TAF5: variants seen among roughly 807,000 people sequenced by gnomAD.
The protein encoded by TAF5 is transcription initiation factor TFIID subunit 5.
TAF5 carries 20 observed loss-of-function variants against 80.9 expected under a neutral mutation model. That is an observed-to-expected ratio of 0.25 (90% CI 0.17 to 0.36). The LOEUF (loss-of-function observed/expected upper bound fraction) is 0.36. TAF5 is among the 10% of genes least tolerant of loss of function. TAF5 has a pLI of 1.00. For synonymous variants in TAF5, 388 were observed against 406.4 expected (o/e 0.95, Z 0.55); for missense variants, 863 against 1,029.4 (o/e 0.84, Z 2.21).
rs1329048511 is a variant in TAF5, at chr10:103,374,929, C to A, written c.797+1334C>A. Among the ~76,000 whole-genome samples the A allele has an allele frequency of 6.6e-6, 1 of 151,822 alleles. No homozygotes were observed. Among genetic ancestry groups the A allele is most frequent in the Admixed American group, 6.6e-5 (1 of 15,220 alleles). On this transcript the variant is annotated intron_variant, in intron 2 of 10. Transcript: ENST00000369839. The surrounding 1 kb of genome is among the most constrained non-coding windows in gnomAD (Gnocchi z 4.3). Reference sequence around the variant, plus strand: ...TCACTTTGACCTCAGGAGTTTGAGACCAGCCTGGTGAGACCTAGTCTCTTC... The same window carrying A: ...TCACTTTGACCTCAGGAGTTTGAGAACAGCCTGGTGAGACCTAGTCTCTTC...
At chr10:103,381,373 T>C (rs2093382540) in intron 5 of TAF5, among the ~76,000 whole-genome samples, 1 of 152,162 alleles carries the variant, frequency 6.6e-6, no homozygotes. Context: ...TTCAAGTGAT[T>C]CTCTTGCGTC....
Position 103,383,197 on chromosome 10 carries a change from G to T in TAF5, c.1535-41G>T, listed in dbSNP as rs551026020. 1.1e-5 allele frequency: 16 copies of T among 1,503,366 alleles called. No homozygotes were observed. In the South Asian group the frequency reaches 1.6e-4, roughly 15 times the overall value. 93.1% of individuals were successfully genotyped at this position (1,503,366 alleles called of 1,614,324 possible). ...ATATGATTACTTTAAAAGTTTTGAT[G>T]AATGTACTTATAAAATATCAATATT... On this transcript the variant is annotated intron_variant, in intron 6 of 10. Transcript: ENST00000369839.
chr10:103,369,483 C>T (rs1159801858), intron 1 of TAF5, among the ~76,000 whole-genome samples: 1 of 151,924 alleles, frequency 6.6e-6, no homozygotes, highest in Non-Finnish European at 1.5e-5. Flanking sequence ...CTCAGCCTCC[C>T]GAATAGGTGG....
intron 10 of TAF5, 93 bp from the exon 11 acceptor site, chr10:103,387,913 C>T (rs2093401266): frequency 5.4e-6 from 7 of 1,299,388 alleles, no homozygotes; most frequent in Non-Finnish European, 7.6e-6. Context: ...ATTTTTCACC[C>T]AAAATGTACA....
intron 8 of TAF5, 89 bp from the exon 9 acceptor site, chr10:103,387,086 G>T (rs2093398420): frequency 2.3e-6 from 3 of 1,324,434 alleles, no homozygotes; most frequent in Non-Finnish European, 3.1e-6. Flanking sequence ...TTTTTATGTG[G>T]ATGTTTCTGT....
Position 103,387,704 on chromosome 10 carries a change from T to G in TAF5, c.2185+6T>G. ...TGGTGAAATTTTGGCATCAGGTAAA[T>G]GACTATTAATGGCTTTACGATAAAT... On this transcript the variant is annotated splice_donor_region_variant and intron_variant, in intron 10 of 10. Transcript: ENST00000369839. 6.2e-7 allele frequency: 1 copy of G among 1,609,056 alleles called. No individual in the cohort carries two copies. The highest frequency in any genetic ancestry group is 8.5e-7 in the Non-Finnish European group (1 of 1,178,122).
intron 3 of TAF5, among the ~76,000 whole-genome samples, chr10:103,379,167 C>T (rs2093376430): frequency 6.6e-6 from 1 of 152,198 alleles, no homozygotes; most frequent in Non-Finnish European, 1.5e-5. Context: ...CTGGCTCCTT[C>T]TGGTTTCTGA....
chr10:103,387,338 T>C lies in TAF5; in HGVS notation c.1993T>C (p.Phe665Leu). ...CCTGAATGGTAACTGTGTAAGGATCTTCACTGGACACAAGGTATTTTACAC... is the reference window on the plus strand; with the variant it reads ...CCTGAATGGTAACTGTGTAAGGATCCTCACTGGACACAAGGTATTTTACAC... ...DVLNGNCVRI[F>L]TGHKGPIHSL... The change falls in exon 9 of 11, where the codon TTC becomes CTC. Residue 665 changes from phenylalanine to leucine, a missense_variant. Physicochemically the swap from Phe to Leu is conservative, Grantham distance 22. Transcript: ENST00000369839. The C allele has an allele frequency of 6.2e-7, 1 of 1,612,094 alleles. No individual in the cohort carries two copies. The highest frequency in any genetic ancestry group is 1.1e-5 in the South Asian group (1 of 90,836).
At chr10:103,379,145 C>A (rs140641722) in intron 3 of TAF5, among the ~76,000 whole-genome samples, 26 of 152,258 alleles carry the variant, frequency 1.7e-4, no homozygotes, top group South Asian at 1.5e-3. Flanking sequence ...CTCCACAGTG[C>A]CATCAAGGTC....
intron 6 of TAF5, among the ~76,000 whole-genome samples, chr10:103,382,371 C>T (rs1057108607): frequency 3.3e-5 from 5 of 152,004 alleles, no homozygotes; most frequent in Non-Finnish European, 7.4e-5. Flanking sequence ...ATTACAGGTG[C>T]CCACCACCAT....
rs34851825 is a variant in TAF5, at chr10:103,386,664, A to ATT, written c.1830-495_1830-494dup. ...TTGGGCAACAGAGCAAGACCTCAGC[A>ATT]TTTTTTTTTTTTTTTTTGAGACAGA... On this transcript the variant is annotated intron_variant, in intron 8 of 10. Coordinates refer to ENST00000369839, the MANE Select transcript of TAF5 (RefSeq NM_006951.5). Among the ~76,000 whole-genome samples the ATT allele has an allele frequency of 2.5e-3, 334 of 133,896 alleles. 3 individuals are homozygous for ATT. Among genetic ancestry groups the ATT allele is most frequent in the East Asian group, 8.2e-3 (37 of 4,500 alleles). 87.8% of individuals were successfully genotyped at this position (133,896 alleles called of 152,430 possible).
chr10:103,385,457 A>G lies in TAF5; in HGVS notation c.1796A>G (p.Tyr599Cys). 1 of 1,614,070 alleles carries G rather than the reference A, an allele frequency of 6.2e-7. No individual in the cohort carries two copies. Among genetic ancestry groups the G allele is most frequent in the Non-Finnish European group, 8.5e-7 (1 of 1,180,016 alleles). The change falls in exon 8 of 11, where the codon TAT becomes TGT. Residue 599 changes from tyrosine (Y) to cysteine (C), a missense_variant. Around this residue, in one of 3 missense-constraint regions of TAF5, gnomAD observed 368 missense variants for 461.7 expected, o/e 0.80. Coordinates refer to ENST00000369839, the MANE Select transcript of TAF5 (RefSeq NM_006951.5). ...ACACAATTTTCTCCATATGGATATTATTTTGTGTCAGGGGGCCATGACCGA... is the reference window on the plus strand; with the variant it reads ...ACACAATTTTCTCCATATGGATATTGTTTTGTGTCAGGGGGCCATGACCGA... Reference protein sequence around the residue: ...WDTQFSPYGYYFVSGGHDRVA... With the variant: ...WDTQFSPYGYCFVSGGHDRVA...
At position 103,388,277 on chromosome 10, in the gene TAF5, A is replaced by C; in HGVS notation, c.*54A>C. On this transcript the variant is annotated 3_prime_UTR_variant, in exon 11 of 11. Coordinates refer to ENST00000369839, the MANE Select transcript of TAF5 (RefSeq NM_006951.5). ...CTACTGTTTTTAAAAAGGGAGACTAAAAGCAAATACCTCAGTGATTAATAT... is the reference window on the plus strand; with the variant it reads ...CTACTGTTTTTAAAAAGGGAGACTACAAGCAAATACCTCAGTGATTAATAT... The C allele has an allele frequency of 1.4e-6, 2 of 1,400,734 alleles. No homozygotes were observed. Among genetic ancestry groups the C allele is most frequent in the Non-Finnish European group, 2.0e-6 (2 of 1,009,230 alleles). The allele number at this position is 1,400,734 out of a possible 1,614,324, so 86.8% of individuals were successfully genotyped here.
chr10:103,373,351 T>A lies in TAF5; in HGVS notation c.560-7T>A, dbSNP rs766119925. 2 of 1,610,574 alleles carry A rather than the reference T, an allele frequency of 1.2e-6. No individual in the cohort carries two copies. Among genetic ancestry groups the A allele is most frequent in the Admixed American group, 3.4e-5 (2 of 58,978 alleles). On this transcript the variant is annotated splice_region_variant and splice_polypyrimidine_tract_variant and intron_variant, in intron 1 of 10. Coordinates refer to ENST00000369839, the MANE Select transcript of TAF5 (RefSeq NM_006951.5). ...ATTTTCTTAAAAGTTTTTTGTTTTTTAAATAGTTGGAAGTGTTGCTGTGGA... is the reference window on the plus strand; with the variant it reads ...ATTTTCTTAAAAGTTTTTTGTTTTTAAAATAGTTGGAAGTGTTGCTGTGGA...
At chr10:103,382,011 G>C (rs540017242) in intron 6 of TAF5, among the ~76,000 whole-genome samples, 170 bp downstream of exon 6, 1 of 152,318 alleles carries the variant, frequency 6.6e-6, no homozygotes, top group South Asian at 2.1e-4. Context: ...TGACTGGGGT[G>C]CTAGACTGGT....
At position 103,367,997 on chromosome 10, in the gene TAF5, C is replaced by CGCTGGCGGAGGA. The variant is rs1365646186; in HGVS notation, c.11_22dup (p.Leu4_Glu7dup). ...AGGTGGCTCAGCCGCAAGATGGCGGCGCTGGCGGAGGAGCAGACGGAGGTG... is the reference window on the plus strand; with the variant it reads ...AGGTGGCTCAGCCGCAAGATGGCGGCGCTGGCGGAGGAGCTGGCGGAGGAGCAGACGGAGGTG... On this transcript the variant is annotated inframe_insertion, in exon 1 of 11. Coordinates refer to ENST00000369839, the MANE Select transcript of TAF5 (RefSeq NM_006951.5). 6.8e-7 allele frequency: 1 copy of CGCTGGCGGAGGA among 1,460,624 alleles called. No homozygotes were observed. Among genetic ancestry groups the CGCTGGCGGAGGA allele is most frequent in the Non-Finnish European group, 9.0e-7 (1 of 1,113,428 alleles). 90.5% of individuals were successfully genotyped at this position (1,460,624 alleles called of 1,614,324 possible).
chr10:103,383,577 C>CTTTTTT (rs147178642), intron 7 of TAF5, among the ~76,000 whole-genome samples: 2 of 129,146 alleles, frequency 1.5e-5, no homozygotes, highest in East Asian at 2.2e-4. Flanking sequence ...TGTATACTCA[C>CTTTTTT]TTTTTTTTTT....
At chr10:103,377,676 A>G (rs2093372928) in intron 2 of TAF5, among the ~76,000 whole-genome samples, 1 of 152,204 alleles carries the variant, frequency 6.6e-6, no homozygotes, top group Non-Finnish European at 1.5e-5. Flanking sequence ...TAAAGTATTG[A>G]TATTTTAAAA....
At position 103,368,277 on chromosome 10, in the gene TAF5, T is replaced by C; in HGVS notation, c.288T>C (p.Thr96=). Reference sequence around the variant, plus strand: ...CCGGCGCTCCGCATGACCGACAGACTCTACTGGCCGTGCTGCAGTTCCTAC... The same window carrying C: ...CCGGCGCTCCGCATGACCGACAGACCCTACTGGCCGTGCTGCAGTTCCTAC... ...PDAGAPHDRQ[T]LLAVLQFLRQ... is the part of the protein sequence containing the mutation. Residue 96 remains threonine (T), a synonymous_variant, in exon 1 of 11, where the codon ACT becomes ACC. Coordinates refer to ENST00000369839, the MANE Select transcript of TAF5 (RefSeq NM_006951.5). 2 of 1,568,582 alleles carry C rather than the reference T, an allele frequency of 1.3e-6. No individual in the cohort carries two copies. Among genetic ancestry groups the C allele is most frequent in the South Asian group, 2.3e-5 (2 of 86,804 alleles).
Sources: allele counts gnomAD v4.1 joint callset (sites outside exome capture counted in the v4.1 genomes callset), GRCh38; gene constraint gnomAD v4.1.1; regional missense constraint gnomAD v4.1.1; non-coding constraint Gnocchi (gnomAD v3.1); transcripts MANE v1.5; gene names NCBI Gene and HGNC (gene_info 2026-07-23, HGNC 2026-07-21).